The following DGKI variants were observed in gnomAD, a reference collection of about 807,000 sequenced individuals.
DGKI encodes the protein DAG kinase iota.
A neutral mutation model predicts 147.5 loss-of-function variants in DGKI; 55 were observed. The ratio of observed to expected loss-of-function variants is 0.37; its 90% CI spans 0.30 to 0.47. DGKI has a LOEUF of 0.47. Among genes scored for constraint, DGKI ranks in the 20% least tolerant of loss-of-function variants. DGKI has a pLI of 1.00. For missense variants in DGKI, 1,007 were observed against 1,323.8 expected (o/e 0.76, Z 3.71); for synonymous variants, 469 against 477.1 (o/e 0.98, Z 0.22).
At chr7:137,622,054 G>A (rs184068889) in intron 7 of DGKI, among the ~76,000 whole-genome samples, 2 of 152,138 alleles carry the variant, frequency 1.3e-5, no homozygotes, top group Admixed American at 1.3e-4. Flanking sequence ...GAAGTGAAAT[G>A]ATTATTTGTG....
chr7:137,699,711 G>A (rs1181103585), intron 1 of DGKI, among the ~76,000 whole-genome samples: 2 of 152,184 alleles, frequency 1.3e-5, no homozygotes, highest in East Asian at 1.9e-4. Flanking sequence ...GCTGTTCCCA[G>A]TAAAACTGAC....
intron 1 of DGKI, among the ~76,000 whole-genome samples, chr7:137,727,348 TATC>T (rs1034398753): frequency 6.6e-6 from 1 of 152,130 alleles, no homozygotes; most frequent in East Asian, 1.9e-4. Context: ...ACAAGAAAGT[TATC>T]ATCAAAAAGA....
Position 137,444,295 on chromosome 7 carries a change from G to A in DGKI, c.2736-193C>T, listed in dbSNP as rs897724691. Among the ~76,000 whole-genome samples the A allele has an allele frequency of 2.6e-5, 4 of 152,266 alleles. No homozygotes were observed. The Middle Eastern group carries it at 0.01, about 388-fold the overall frequency. ...CAACTCTTACCTGGATTGGTTGGAT[G>A]TTACAGGTTACTAAAATATCAGTCT... On this transcript the variant is annotated intron_variant, in intron 27 of 32. Transcript: ENST00000614521.
chr7:137,494,971 A>T (rs1460747082), intron 21 of DGKI, among the ~76,000 whole-genome samples: 1 of 152,094 alleles, frequency 6.6e-6, no homozygotes, highest in Non-Finnish European at 1.5e-5. Flanking sequence ...AAGCAGATAG[A>T]AAACAGAAAA....
At chr7:137,486,313 T>A (rs1815557378) in intron 22 of DGKI, among the ~76,000 whole-genome samples, 1 of 152,154 alleles carries the variant, frequency 6.6e-6, no homozygotes, top group South Asian at 2.1e-4. Context: ...AATATTATTC[T>A]ACTGTGAAGT....
chr7:137,615,569 GTA>G (rs911320825), intron 8 of DGKI, among the ~76,000 whole-genome samples: 7 of 143,690 alleles, frequency 4.9e-5, no homozygotes, highest in Non-Finnish European at 1.1e-4. Context: ...GTGTGTGTGT[GTA>G]TCCTCAAATT....
Position 137,651,500 on chromosome 7 carries a change from T to G in DGKI, c.738+3232A>C, listed in dbSNP as rs1029880930. ...TTTCTTAAAATCATTTTTATGGTGA[T>G]GGAAATAGTCTAGTGTTTGATGTAT... On this transcript the variant is annotated intron_variant, in intron 5 of 32. Coordinates refer to ENST00000614521, the MANE Select transcript of DGKI (RefSeq NM_001321708.2). Among the ~76,000 whole-genome samples, 4 of 152,314 alleles carry G rather than the reference T, an allele frequency of 2.6e-5. No individual in the cohort carries two copies. The East Asian group carries it at 7.7e-4, about 29-fold the overall frequency.
chr7:137,429,232 C>T (rs1406729545), intron 28 of DGKI, among the ~76,000 whole-genome samples: 1 of 150,996 alleles, frequency 6.6e-6, no homozygotes. Flanking sequence ...AGAACAGGGC[C>T]CTCAGAAATA....
chr7:137,760,356 A>T (rs1326212891), intron 1 of DGKI, among the ~76,000 whole-genome samples: 1 of 152,060 alleles, frequency 6.6e-6, no homozygotes. Flanking sequence ...TCTAATCTTT[A>T]TCTGCTTTGC....
chr7:137,616,450 T>A (rs1011696062), intron 8 of DGKI, among the ~76,000 whole-genome samples: 2 of 152,156 alleles, frequency 1.3e-5, no homozygotes, highest in Non-Finnish European at 2.9e-5. Flanking sequence ...CTATGAGCTA[T>A]AAATCCCATA....
At chr7:137,674,399 C>A (rs775669942) in intron 3 of DGKI, among the ~76,000 whole-genome samples, 4 of 152,146 alleles carry the variant, frequency 2.6e-5, no homozygotes, top group Non-Finnish European at 5.9e-5. Context: ...CAGGAGGTCC[C>A]GGCTTTGCAG....
At chr7:137,843,774 C>CACACACAT (rs1481608275) in intron 1 of DGKI, among the ~76,000 whole-genome samples, 3 of 151,342 alleles carry the variant, frequency 2.0e-5, no homozygotes, top group Admixed American at 6.6e-5. Flanking sequence ...CACACACACA[C>CACACACAT]ACACACACAC....
rs546571657 is a variant in DGKI at position 137,662,676 on chromosome 7, C to T, written c.607-6136G>A. Among the ~76,000 whole-genome samples, 10 of 150,960 alleles carry T rather than the reference C, an allele frequency of 6.6e-5. No individual in the cohort carries two copies. In the South Asian group the frequency reaches 2.1e-3, roughly 31 times the overall value. ...GACCCGAGTGGAAACTCAGACCTCT[C>T]CTTAGAGGTTCAATTGCAGAGAGAC... On this transcript the variant is annotated intron_variant, in intron 3 of 32. Transcript: ENST00000614521.
chr7:137,730,949 C>T (rs890600530), intron 1 of DGKI, among the ~76,000 whole-genome samples: 4 of 152,030 alleles, frequency 2.6e-5, no homozygotes, highest in Non-Finnish European at 5.9e-5. Context: ...AGAGAAGCTT[C>T]CAAGGGCTTC....
At chr7:137,659,724 A>G (rs1178925228) in intron 3 of DGKI, among the ~76,000 whole-genome samples, 1 of 152,174 alleles carries the variant, frequency 6.6e-6, no homozygotes, top group Non-Finnish European at 1.5e-5. Flanking sequence ...CAAGGTCAGG[A>G]GATCGAGACC....
intron 6 of DGKI, among the ~76,000 whole-genome samples, chr7:137,629,516 G>C (rs1821057338): frequency 6.6e-6 from 1 of 152,174 alleles, no homozygotes; most frequent in Non-Finnish European, 1.5e-5. Context: ...TGTGATGTTT[G>C]GGCATTCCAC....
chr7:137,407,275 T>C (rs1343222357), intron 30 of DGKI, among the ~76,000 whole-genome samples: 1 of 152,262 alleles, frequency 6.6e-6, no homozygotes, highest in Non-Finnish European at 1.5e-5. Flanking sequence ...CTATAGCGCA[T>C]GCTACTTCCT....
chr7:137,618,474 C>T (rs188215890), intron 8 of DGKI, among the ~76,000 whole-genome samples: 106 of 150,170 alleles, frequency 7.1e-4, no homozygotes, highest in African/African-American at 2.6e-3. Context: ...AAGCCCTCCC[C>T]CCCACTTCAT....
chr7:137,391,820 T>C (rs1199034334), intron 32 of DGKI, among the ~76,000 whole-genome samples: 2 of 152,142 alleles, frequency 1.3e-5, no homozygotes, highest in Non-Finnish European at 2.9e-5. Flanking sequence ...AAGGAAGGGA[T>C]AGTCATAAAA....
Sources: gnomAD v4.1 joint callset for allele counts (sites outside exome capture counted in the v4.1 genomes callset) on GRCh38, gnomAD v4.1.1 for gene constraint, MANE v1.5 for transcripts, NCBI Gene and HGNC (gene_info 2026-07-23, HGNC 2026-07-21) for gene names.